The following DOCK7 variants were observed in gnomAD, a reference collection of about 807,000 sequenced individuals.
DOCK7 encodes the protein dedicator of cytokinesis protein 7.
In DOCK7, 138 loss-of-function variants were observed where a neutral mutation model predicts 271.0. The ratio of observed to expected loss-of-function variants is 0.51; its 90% confidence interval spans 0.44 to 0.59. The LOEUF (loss-of-function observed/expected upper bound fraction) is 0.59, where lower values mean the gene tolerates loss of function less well. Ranked by LOEUF, DOCK7 falls within the 20% of genes least tolerant of loss-of-function variation. The probability of loss-of-function intolerance (pLI) is 0.00; values close to 1 mark genes in which losing one functional copy is unlikely to be tolerated. For synonymous variants in DOCK7, 823 were observed against 876.1 expected, an observed-to-expected ratio of 0.94 and a Z score of 1.07; for missense variants, 2,066 against 2,592.4, an observed-to-expected ratio of 0.80 and a Z score of 4.41.
intron 38 of DOCK7, 58 bp downstream of exon 38, chr1:62,496,281 A>C (rs2149302993): frequency 6.3e-7 from 1 of 1,578,154 alleles, no homozygotes; most frequent in African/African-American, 1.4e-5. Context: ...AACAATTTGG[A>C]AAGTGCCTAT....
At chr1:62,522,416 A>G (rs1458862621) in intron 31 of DOCK7, among the ~76,000 whole-genome samples, 1 of 152,182 alleles carries the variant, frequency 6.6e-6, no homozygotes, top group African/African-American at 2.4e-5. Context: ...AAACAACATT[A>G]AAAGACCAAA....
intron 2 of DOCK7, among the ~76,000 whole-genome samples, chr1:62,655,089 A>G (rs1383105566): frequency 6.6e-6 from 1 of 152,242 alleles, no homozygotes; most frequent in African/African-American, 2.4e-5. Flanking sequence ...ACTTTGTTAC[A>G]GTAGCCATAC....
At chr1:62,644,629 C>T (rs1489764809) in intron 7 of DOCK7, among the ~76,000 whole-genome samples, 1 of 152,188 alleles carries the variant, frequency 6.6e-6, no homozygotes, top group Non-Finnish European at 1.5e-5. Context: ...CACTATGTTA[C>T]TGACAAATAG....
At chr1:62,588,771 C>G (rs1368325640) in intron 14 of DOCK7, among the ~76,000 whole-genome samples, 1 of 152,072 alleles carries the variant, frequency 6.6e-6, no homozygotes, top group Non-Finnish European at 1.5e-5. Flanking sequence ...GACAAGGTCT[C>G]ACTCTGTCGC....
At chr1:62,657,684 C>G (rs1658187267) in intron 2 of DOCK7, among the ~76,000 whole-genome samples, 1 of 152,064 alleles carries the variant, frequency 6.6e-6, no homozygotes, top group Non-Finnish European at 1.5e-5. Context: ...ACCAGAAACT[C>G]TCTGTAAAGA....
intron 21 of DOCK7, among the ~76,000 whole-genome samples, chr1:62,553,580 C>T (rs1312952258): frequency 1.3e-5 from 2 of 149,384 alleles, no homozygotes; most frequent in Admixed American, 6.7e-5. Context: ...TGCTATGTTG[C>T]CCAGGCTGGT....
At chr1:62,677,621 G>T (rs367593357) in intron 1 of DOCK7, among the ~76,000 whole-genome samples, 1 of 151,956 alleles carries the variant, frequency 6.6e-6, no homozygotes, top group East Asian at 1.9e-4. Context: ...TGCCAAGGGG[G>T]TCCAAATGAT....
chr1:62,625,186 T>C, intron 12 of DOCK7, 73 bp downstream of exon 12: 1 of 1,511,516 alleles, frequency 6.6e-7, no homozygotes, highest in Non-Finnish European at 9.1e-7. Context: ...TATAGTACAA[T>C]CACTACCTTT....
At chr1:62,646,838 T>A (rs887095979) in intron 7 of DOCK7, among the ~76,000 whole-genome samples, 1 of 152,214 alleles carries the variant, frequency 6.6e-6, no homozygotes, top group Non-Finnish European at 1.5e-5. Context: ...TGTGCAACTC[T>A]GTGAATACAT....
chr1:62,573,342 G>C (rs528759880), intron 18 of DOCK7, among the ~76,000 whole-genome samples: 1 of 152,308 alleles, frequency 6.6e-6, no homozygotes, highest in African/African-American at 2.4e-5. Flanking sequence ...AAATCATTCA[G>C]AGATTTGTAG....
At chr1:62,562,231 AAC>A (rs1646346469) in intron 18 of DOCK7, among the ~76,000 whole-genome samples, 1 of 24,710 alleles carries the variant, frequency 4.0e-5, no homozygotes, top group Non-Finnish European at 8.1e-5. Flanking sequence ...AGGATCCAAA[AAC>A]TTTTTTTTTT....
chr1:62,593,063 T>C, intron 14 of DOCK7, among the ~76,000 whole-genome samples: 1 of 152,088 alleles, frequency 6.6e-6, no homozygotes, highest in Non-Finnish European at 1.5e-5. Flanking sequence ...TCTATAGACA[T>C]TCATAGGAAA....
At position 62,670,276 on chromosome 1, in the gene DOCK7, C is replaced by T. The variant is rs1389358826; in HGVS notation, c.39-7146G>A. Among the ~76,000 whole-genome samples, 23 of 152,366 alleles carry T rather than the reference C, an allele frequency of 1.5e-4. 1 individual carries two copies. The Middle Eastern group carries it at 0.017, about 113-fold the overall frequency. The stretch of plus-strand genomic sequence containing the variant: ...CCACCCAAGGGCTGAGGAATGCGAG[C>T]GCACGGCGCAGGACTGGCAGGCAGC... On this transcript the variant is annotated intron_variant, in intron 1 of 49. Transcript: ENST00000635253.
At chr1:62,484,440 G>A (rs1164558106) in intron 43 of DOCK7, 2 of 152,110 alleles carry the variant, frequency 1.3e-5, no homozygotes, top group Admixed American at 1.3e-4. Flanking sequence ...TTGTATTAGT[G>A]TACTTCTGAA....
At chr1:62,505,902 G>A in intron 35 of DOCK7, 86 bp from the exon 36 acceptor site, 1 of 1,306,494 alleles carries the variant, frequency 7.7e-7, no homozygotes, top group Non-Finnish European at 1.0e-6. Flanking sequence ...TATAAATAAA[G>A]GCCTCCCTGT....
At chr1:62,578,440 C>T (rs1030493835) in intron 17 of DOCK7, among the ~76,000 whole-genome samples, 4 of 152,010 alleles carry the variant, frequency 2.6e-5, no homozygotes, top group African/African-American at 9.7e-5. Flanking sequence ...AAGAAACAGG[C>T]CAGGCGCCAT....
chr1:62,504,540 T>C, intron 37 of DOCK7, 90 bp downstream of exon 37: 7 of 1,349,630 alleles, frequency 5.2e-6, no homozygotes, highest in Non-Finnish European at 6.0e-6. Context: ...TACAAAAAAC[T>C]CCATGCTCTC....
chr1:62,492,788 A>G lies in DOCK7; in HGVS notation c.5277T>C (p.Asp1759=), dbSNP rs1170162224. 1 of 1,613,890 alleles carries G rather than the reference A, an allele frequency of 6.2e-7. No individual in the cohort carries two copies. Among genetic ancestry groups the G allele is most frequent in the Non-Finnish European group, 8.5e-7 (1 of 1,179,774 alleles). ...SAVSDDVVSP[D]EEGICSGKYF... ...ATTTTCCAGAGCAGATACCTTCTTCATCTGGAGATACCACATCATCTGAGA... is the reference window on the plus strand; with the variant it reads ...ATTTTCCAGAGCAGATACCTTCTTCGTCTGGAGATACCACATCATCTGAGA... The change falls in exon 41 of 50, where the codon GAT becomes GAC. Residue 1759 remains aspartate (D), a synonymous_variant. Transcript: ENST00000635253.
At chr1:62,529,544 T>A in intron 29 of DOCK7, 98 bp from the exon 30 acceptor site, 1 of 896,098 alleles carries the variant, frequency 1.1e-6, no homozygotes, top group Non-Finnish European at 1.5e-6. Flanking sequence ...ATTGAATAAA[T>A]TTTGTTCAAT....
Sources: allele counts gnomAD v4.1 joint callset (sites outside exome capture counted in the v4.1 genomes callset), GRCh38; gene constraint gnomAD v4.1.1; transcripts MANE v1.5; gene names NCBI Gene and HGNC (gene_info 2026-07-23, HGNC 2026-07-21).